The following UBTD2 variants were observed in gnomAD, a reference collection of about 807,000 sequenced individuals.
UBTD2 encodes ubiquitin domain-containing protein 2.
Under a neutral mutation model 19.8 loss-of-function variants are expected in UBTD2, and 9 were observed. The ratio of observed to expected loss-of-function variants is 0.46; its 90% confidence interval spans 0.27 to 0.79. The LOEUF is 0.79. UBTD2 is among the 30% of genes least tolerant of loss of function. The pLI is 0.14. For synonymous variants in UBTD2, 98 were observed against 103.9 expected, an observed-to-expected ratio of 0.94 and a Z score of 0.35; for missense variants, 250 against 300.4, an observed-to-expected ratio of 0.83 and a Z score of 1.24.
chr5:172,251,327 G>GAAAAAAAAAAAAAAAAAAA (rs1554129191), intron 1 of UBTD2, among the ~76,000 whole-genome samples: 9 of 104,776 alleles, frequency 8.6e-5, no homozygotes, highest in African/African-American at 3.3e-4. Flanking sequence ...AAAAAAAAAA[G>GAAAAAAAAAAAAAAAAAAA]AAAATAGCCA....
intron 2 of UBTD2, among the ~76,000 whole-genome samples, chr5:172,219,530 C>T (rs1353867916): frequency 6.6e-6 from 1 of 152,148 alleles, no homozygotes; most frequent in Non-Finnish European, 1.5e-5. Flanking sequence ...GTTATCAGAT[C>T]AACAGTTGCA....
At chr5:172,248,753 T>G (rs1367061526) in intron 1 of UBTD2, among the ~76,000 whole-genome samples, 1 of 148,024 alleles carries the variant, frequency 6.8e-6, no homozygotes, top group African/African-American at 2.5e-5. Flanking sequence ...CAGAGCAAGA[T>G]CCTGTCTCAA....
intron 2 of UBTD2, among the ~76,000 whole-genome samples, chr5:172,231,787 AAAGAG>A (rs1279710562): frequency 6.6e-6 from 1 of 152,218 alleles, no homozygotes; most frequent in Non-Finnish European, 1.5e-5. Flanking sequence ...TGGACATCAA[AAAGAG>A]AAGGATGATA....
chr5:172,255,482 T>C (rs10061704), intron 1 of UBTD2: 127,347 of 381,374 alleles, frequency 0.33, 21,819 homozygotes, highest in South Asian at 0.44. Flanking sequence ...TTGAGAGGTG[T>C]GGTTAGGGAC....
At chr5:172,227,572 A>AC (rs1228811843) in intron 2 of UBTD2, among the ~76,000 whole-genome samples, 2 of 151,242 alleles carry the variant, frequency 1.3e-5, no homozygotes, top group African/African-American at 2.4e-5. Context: ...TTTATTAAAG[A>AC]TGGGGTTTTA....
At chr5:172,227,781 A>C (rs548151987) in intron 2 of UBTD2, among the ~76,000 whole-genome samples, 257 of 144,776 alleles carry the variant, frequency 1.8e-3, no homozygotes, top group African/African-American at 6.0e-3. Flanking sequence ...CCTGGGTTCA[A>C]GCAATTCTCC....
Position 172,283,713 on chromosome 5 carries a change from C to T in UBTD2, c.-48G>A, listed in dbSNP as rs78101663. 0.088 allele frequency: 95,762 copies of T among 1,090,226 alleles called. 4,240 individuals are homozygous for T. Among genetic ancestry groups the T allele is most frequent in the Non-Finnish European group, 0.098 (86,174 of 877,500 alleles). The allele number at this position is 1,090,226 out of a possible 1,614,324, so 67.5% of individuals were successfully genotyped here. A position where few individuals can be genotyped will look rare whatever the true frequency, so the allele number is the denominator to read the frequency against. On this transcript the variant is annotated 5_prime_UTR_variant, in exon 1 of 3. Transcript: ENST00000393792. The surrounding 1 kb of genome is among the most constrained non-coding windows in gnomAD (Gnocchi z 4.3). ...GCCACCTCCGGACGCTCGTCCGGGCCCGCCGCCGCCGCCGCTGCAGCCTCC... is the reference window on the plus strand; with the variant it reads ...GCCACCTCCGGACGCTCGTCCGGGCTCGCCGCCGCCGCCGCTGCAGCCTCC...
intron 1 of UBTD2, among the ~76,000 whole-genome samples, chr5:172,264,405 G>T (rs929628462): frequency 6.6e-6 from 1 of 151,986 alleles, no homozygotes; most frequent in Non-Finnish European, 1.5e-5. Context: ...AAATAGCCAG[G>T]TGTGTGGCAC....
intron 1 of UBTD2, among the ~76,000 whole-genome samples, chr5:172,266,177 C>T (rs370345390): frequency 6.4e-4 from 97 of 152,130 alleles, no homozygotes; most frequent in African/African-American, 2.2e-3. Flanking sequence ...CTGATCCACT[C>T]GCCTCGGCCT....
At chr5:172,248,686 T>G (rs572335107) in intron 1 of UBTD2, among the ~76,000 whole-genome samples, 2 of 150,286 alleles carry the variant, frequency 1.3e-5, no homozygotes, top group Middle Eastern at 3.2e-3. Flanking sequence ...CACTTAAACC[T>G]GGGAGGTAGA....
chr5:172,236,738 A>G (rs184810055), intron 1 of UBTD2, among the ~76,000 whole-genome samples: 3 of 152,342 alleles, frequency 2.0e-5, no homozygotes, highest in Non-Finnish European at 2.9e-5. Context: ...ATCTGGCCTC[A>G]TATGTATTAA....
chr5:172,240,073 T>A (rs775413446), intron 1 of UBTD2, among the ~76,000 whole-genome samples: 27 of 152,314 alleles, frequency 1.8e-4, no homozygotes, highest in Admixed American at 3.9e-4. Flanking sequence ...AAATGATCCA[T>A]CCATGGGCTT....
intron 1 of UBTD2, among the ~76,000 whole-genome samples, chr5:172,281,355 G>A (rs566186497): frequency 6.4e-4 from 97 of 152,266 alleles, no homozygotes; most frequent in South Asian, 1.9e-3. Context: ...AAAATTAGCC[G>A]GGTGCGGTGG....
chr5:172,225,752 CAAACTT>C (rs1378957508), intron 2 of UBTD2, among the ~76,000 whole-genome samples: 1 of 151,978 alleles, frequency 6.6e-6, no homozygotes. Context: ...ATAAAGTTGA[CAAACTT>C]AATATTTAGA....
At chr5:172,243,634 C>A (rs1772177258) in intron 1 of UBTD2, among the ~76,000 whole-genome samples, 1 of 145,406 alleles carries the variant, frequency 6.9e-6, no homozygotes, top group Non-Finnish European at 1.5e-5. Flanking sequence ...GCGACCTCAG[C>A]TCACTGCAAC....
intron 1 of UBTD2, chr5:172,252,538 A>G (rs1755044939): frequency 6.6e-6 from 1 of 152,210 alleles, no homozygotes; most frequent in African/African-American, 2.4e-5. Context: ...ATCAATTATC[A>G]AAAGCATATT....
intron 1 of UBTD2, among the ~76,000 whole-genome samples, chr5:172,238,704 T>G (rs1179486154): frequency 5.9e-5 from 9 of 152,244 alleles, no homozygotes; most frequent in Non-Finnish European, 1.2e-4. Flanking sequence ...AAAACTCATT[T>G]TGACATTGGT....
chr5:172,252,960 C>T (rs547345029), intron 1 of UBTD2, among the ~76,000 whole-genome samples: 1 of 152,146 alleles, frequency 6.6e-6, no homozygotes, highest in Non-Finnish European at 1.5e-5. Context: ...CAGAAAAAAA[C>T]TACTAGAAAC....
chr5:172,265,112 T>G (rs953602444), intron 1 of UBTD2, among the ~76,000 whole-genome samples: 1 of 152,150 alleles, frequency 6.6e-6, no homozygotes, highest in Non-Finnish European at 1.5e-5. Context: ...AAGTCACCAA[T>G]AGGTTTGCTA....
Sources: allele counts gnomAD v4.1 joint callset (sites outside exome capture counted in the v4.1 genomes callset), GRCh38; gene constraint gnomAD v4.1.1; non-coding constraint Gnocchi (gnomAD v3.1); transcripts MANE v1.5; gene names NCBI Gene and HGNC (gene_info 2026-07-23, HGNC 2026-07-21).